The following LETMD1 variants were observed in gnomAD, a reference collection of about 807,000 sequenced individuals.
LETMD1 encodes LETM1 domain-containing protein 1.
LETMD1 carries 30 observed loss-of-function variants against 43.9 expected under a neutral mutation model. The observed-to-expected ratio is 0.68, with a 90% CI of 0.51 to 0.93. LETMD1 has a LOEUF of 0.93. Ranked by LOEUF, LETMD1 falls within the 40% of genes least tolerant of loss-of-function variation. The probability of loss-of-function intolerance (pLI) is 0.00; values close to 1 mark genes in which losing one functional copy is unlikely to be tolerated. For synonymous variants in LETMD1, 176 were observed against 163.1 expected, an observed-to-expected ratio of 1.08 and a Z score of -0.60; for missense variants, 413 against 447.7, an observed-to-expected ratio of 0.92 and a Z score of 0.70.
chr12:51,066,497 C>T, the LETMD1 span, among the ~76,000 whole-genome samples: 52 of 150,898 alleles, frequency 3.4e-4, no homozygotes, highest in South Asian at 5.1e-3. Flanking sequence ...AACAATTAGC[C>T]GGGCATAGTG....
intron 3 of LETMD1, 74 bp from the exon 4 acceptor site, chr12:51,053,704 T>TG: frequency 1.0e-6 from 1 of 971,614 alleles, no homozygotes; most frequent in Non-Finnish European, 1.6e-6. Flanking sequence ...TACTGTACAG[T>TG]GGGGTGGATG....
upstream of LETMD1, chr12:51,048,273 C>G (rs1312126028): frequency 5.1e-6 from 8 of 1,575,254 alleles, no homozygotes. Flanking sequence ...TCAGAAAAGA[C>G]GCATGCGTCT....
intron 3 of LETMD1, 25 bp from the exon 4 acceptor site, chr12:51,053,753 T>C (rs1191793479): frequency 5.2e-6 from 8 of 1,548,390 alleles, no homozygotes; most frequent in Non-Finnish European, 7.1e-6. Context: ...GGGTTAAAAC[T>C]GCATCTGTGT....
downstream of LETMD1, chr12:51,062,521 T>G (rs1406476869): frequency 6.6e-6 from 1 of 152,206 alleles, no homozygotes; most frequent in Non-Finnish European, 1.5e-5. Flanking sequence ...TTCTATACGC[T>G]TCAAAGGTTA....
At chr12:51,066,300 A>G in the LETMD1 span, among the ~76,000 whole-genome samples, 1 of 152,034 alleles carries the variant, frequency 6.6e-6, no homozygotes, top group African/African-American at 2.4e-5. Flanking sequence ...TAAAAATACA[A>G]AAATTAGCTG....
chr12:51,066,079 G>T, the LETMD1 span, among the ~76,000 whole-genome samples: 1 of 152,164 alleles, frequency 6.6e-6, no homozygotes, highest in Non-Finnish European at 1.5e-5. Flanking sequence ...CAGTACTTCG[G>T]GAGGCTGAGG....
chr12:51,059,298 A>T, intron 8 of LETMD1, 63 bp from the exon 9 acceptor site: 1 of 1,443,366 alleles, frequency 6.9e-7, no homozygotes, highest in Non-Finnish European at 9.8e-7. Context: ...GGCTTAAGCC[A>T]TATATAACAA....
rs1349703562 is a variant in LETMD1, at chr12:51,057,629, T to C, written c.916-403T>C. 1.1e-4 allele frequency: 7 copies of C among 62,014 alleles called. No homozygotes were observed. In the South Asian group the frequency reaches 1.2e-3, roughly 11 times the overall value. The allele number at this position is 62,014 out of a possible 1,614,324, so 3.8% of individuals were successfully genotyped here. A position where few individuals can be genotyped will look rare whatever the true frequency, so the allele number is the denominator to read the frequency against. Reference sequence around the variant, plus strand: ...TTCATGTGGGAATGAGATTGTAACTTTTTTTTTTTTTTTTGAGACAGAGTC... The same window carrying C: ...TTCATGTGGGAATGAGATTGTAACTCTTTTTTTTTTTTTTGAGACAGAGTC... On this transcript the variant is annotated intron_variant, in intron 7 of 8. Coordinates refer to ENST00000262055, the MANE Select transcript of LETMD1 (RefSeq NM_015416.5).
Position 51,048,450 on chromosome 12 carries a change from C to T in LETMD1, c.94C>T (p.Arg32Cys). Reference protein sequence around the residue: ...HFVTRRLQLGRSGLAWGAPRS... With the variant: ...HFVTRRLQLGCSGLAWGAPRS... The stretch of plus-strand genomic sequence containing the variant: ...TGTCACCCGGAGGCTGCAACTTGGT[C>T]GCTCTGGCCTGGCTTGGGGGGCCCC... Residue 32 changes from arginine (R) to cysteine (C), a missense_variant, in exon 1 of 9, where the codon CGC becomes TGC. Coordinates refer to ENST00000262055, the MANE Select transcript of LETMD1 (RefSeq NM_015416.5). The T allele has an allele frequency of 1.2e-6, 2 of 1,613,916 alleles. No homozygotes were observed. The highest frequency in any genetic ancestry group is 1.7e-4 in the Middle Eastern group (1 of 6,060).
chr12:51,056,235 C>T lies in LETMD1; in HGVS notation c.752C>T (p.Ala251Val). 6.2e-7 allele frequency: 1 copy of T among 1,614,190 alleles called. No homozygotes were observed. Among genetic ancestry groups the T allele is most frequent in the Non-Finnish European group, 8.5e-7 (1 of 1,180,000 alleles). ...NHPLGMNQLQ[A>V]LHVKALSRAM... ...CCTCTGGGCATGAACCAACTCCAGG[C>T]TTTGCACGTGGTGAGCACTTTGAGG... The change falls in exon 6 of 9, where the codon GCT becomes GTT. Residue 251 changes from alanine (A) to valine (V), a missense_variant. Transcript: ENST00000262055.
intron 3 of LETMD1, 87 bp from the exon 4 acceptor site, chr12:51,053,691 G>C: frequency 1.2e-6 from 1 of 853,446 alleles, no homozygotes; most frequent in Non-Finnish European, 1.9e-6. Flanking sequence ...TGTAATAGAA[G>C]TTTACTGTAC....
Position 51,056,345 on chromosome 12 carries a change from T to A in LETMD1, c.763-5T>A. On this transcript the variant is annotated splice_polypyrimidine_tract_variant and splice_region_variant and intron_variant, in intron 6 of 8. Transcript: ENST00000262055. The stretch of plus-strand genomic sequence containing the variant: ...CCTTTCCCCTCCTATGTGGTTGTGT[T>A]ACAGAAAGCCTTGAGCCGGGCCATG... 1 of 1,614,180 alleles carries A rather than the reference T, an allele frequency of 6.2e-7. No homozygotes were observed. The highest frequency in any genetic ancestry group is 8.5e-7 in the Non-Finnish European group (1 of 1,180,002).
At chr12:51,053,936 C>A (rs1946893734) in intron 4 of LETMD1, 76 bp downstream of exon 4, 1 of 933,012 alleles carries the variant, frequency 1.1e-6, no homozygotes, top group Non-Finnish European at 1.7e-6. Flanking sequence ...CTTTAAACAG[C>A]ACTCATTTCA....
chr12:51,060,958 G>C (rs1948810156), downstream of LETMD1, among the ~76,000 whole-genome samples: 1 of 151,532 alleles, frequency 6.6e-6, no homozygotes, highest in Non-Finnish European at 1.5e-5. Flanking sequence ...CCAGAGTAGG[G>C]ACAGGGCTAA....
chr12:51,055,810 AGTTTGT>A lies in LETMD1; in HGVS notation c.474-23_474-18del. 1.3e-6 allele frequency: 2 copies of A among 1,551,254 alleles called. No individual in the cohort carries two copies. On this transcript the variant is annotated intron_variant, in intron 4 of 8. Transcript: ENST00000262055. Reference sequence around the variant, plus strand: ...TGAAAGAAGCCAGTTTCAGCAAGTGAGTTTGTGATTCTTTCTCCTTTCAGGTACCTG... The same window carrying A: ...TGAAAGAAGCCAGTTTCAGCAAGTGAGATTCTTTCTCCTTTCAGGTACCTG...
chr12:51,067,762 G>A, the LETMD1 span: 4 of 1,614,028 alleles, frequency 2.5e-6, no homozygotes, highest in African/African-American at 4.0e-5. This position sits in a 1 kb window ranked among gnomAD's most constrained non-coding sequence, Gnocchi z 4.1. Flanking sequence ...CGTGACAGGC[G>A]GATGGCTCGA....
chr12:51,052,979 G>T (rs1400640718), intron 3 of LETMD1, among the ~76,000 whole-genome samples: 1 of 151,428 alleles, frequency 6.6e-6, no homozygotes, highest in Non-Finnish European at 1.5e-5. Context: ...GATGGCAGGC[G>T]CCTGTAGTCC....
intron 2 of LETMD1, among the ~76,000 whole-genome samples, chr12:51,050,741 C>T (rs527795024): frequency 3.3e-5 from 5 of 151,802 alleles, no homozygotes; most frequent in East Asian, 3.9e-4. Flanking sequence ...AAGCCGGGCG[C>T]GGTGGCTCAT....
At chr12:51,067,748 T>G in the LETMD1 span, 1 of 1,614,202 alleles carries the variant, frequency 6.2e-7, no homozygotes, top group Non-Finnish European at 8.5e-7. This position sits in a 1 kb window ranked among gnomAD's most constrained non-coding sequence, Gnocchi z 4.1. Context: ...AACCACATTC[T>G]TCCCGTGACA....
Sources: allele counts gnomAD v4.1 joint callset (sites outside exome capture counted in the v4.1 genomes callset), GRCh38; gene constraint gnomAD v4.1.1; non-coding constraint Gnocchi (gnomAD v3.1); transcripts MANE v1.5; gene names NCBI Gene and HGNC (gene_info 2026-07-23, HGNC 2026-07-21).